NDUFA6: variants seen among roughly 807,000 people sequenced by gnomAD.
NDUFA6 encodes the protein NADH dehydrogenase [ubiquinone] 1 alpha subcomplex subunit 6.
Under a neutral mutation model 12.5 loss-of-function variants are expected in NDUFA6, and 10 were observed. The observed-to-expected ratio is 0.80, with a 90% CI of 0.49 to 1.35. The LOEUF is 1.35. NDUFA6 is among the 40% of genes most tolerant of loss of function. The probability of loss-of-function intolerance (pLI) is 0.00; values close to 1 mark genes in which losing one functional copy is unlikely to be tolerated. For missense variants in NDUFA6, 177 were observed against 173.5 expected (o/e 1.02, Z -0.11); for synonymous variants, 66 against 63.0 (o/e 1.05, Z -0.23).
rs1928617161 is a variant in NDUFA6 at position 42,090,766 on chromosome 22, C to T, written c.-22G>A. The T allele has an allele frequency of 1.9e-6, 3 of 1,614,258 alleles. No individual in the cohort carries two copies. The highest frequency in any genetic ancestry group is 2.5e-6 in the Non-Finnish European group (3 of 1,180,050). ...CCATCTTGCCAAAGCATCCACTCCA[C>T]AACCCCACCCCTTTGCAAGCAGCGC... On this transcript the variant is annotated 5_prime_UTR_variant, in exon 1 of 3. It adds an upstream start codon to the 5' untranslated region. Coordinates refer to ENST00000498737, the MANE Select transcript of NDUFA6 (RefSeq NM_002490.6).
rs13056622 is a variant in NDUFA6 at position 42,090,400 on chromosome 22, C to G, written c.139+206G>C. Among the ~76,000 whole-genome samples the G allele has an allele frequency of 6.3e-3, 954 of 152,380 alleles. 4 individuals are homozygous for G. Among genetic ancestry groups the G allele is most frequent in the Non-Finnish European group, 0.011 (731 of 68,036 alleles). Reference sequence around the variant, plus strand: ...GAGACCAAAGCTCCGATAGCACGTACGAATGCTAGGCACGGCCGGTCTGAC... The same window carrying G: ...GAGACCAAAGCTCCGATAGCACGTAGGAATGCTAGGCACGGCCGGTCTGAC... On this transcript the variant is annotated intron_variant, in intron 1 of 2. Transcript: ENST00000498737.
rs781099275 is a variant in NDUFA6, at chr22:42,086,214, AG to A, written c.355del (p.Leu119TyrfsTer20). ...ATCGTGGCCAACATAGAACTTGGAT[AG>A]GAAATCCTTTGGCCTTGGCGCTTCT... ...ETEAPRPKDF[L>X]SKFYVGHDP On this transcript the variant is annotated frameshift_variant, in exon 3 of 3. Transcript: ENST00000498737. LOFTEE classifies it high-confidence loss of function. The A allele has an allele frequency of 1.9e-5, 31 of 1,614,266 alleles. No homozygotes were observed. The highest frequency in any genetic ancestry group is 2.5e-5 in the Non-Finnish European group (30 of 1,180,040).
chr22:42,086,242 T>A lies in NDUFA6; in HGVS notation c.328A>T (p.Thr110Ser), dbSNP rs761671221. 31 of 1,614,120 alleles carry A rather than the reference T, an allele frequency of 1.9e-5. No homozygotes were observed. The highest frequency in any genetic ancestry group is 2.5e-5 in the Non-Finnish European group (29 of 1,180,048). Residue 110 changes from threonine (T) to serine (S), a missense_variant, in exon 3 of 3, where the codon ACA (threonine) becomes TCA (serine). Physicochemically the swap from Thr to Ser is moderately conservative, Grantham distance 58 (BLOSUM62 1). Coordinates refer to ENST00000498737, the MANE Select transcript of NDUFA6 (RefSeq NM_002490.6). ...AAATCCTTTGGCCTTGGCGCTTCTG[T>A]TTCATGGAAGAACCGCATAACATGT... ...RTHVMRFFHE[T>S]EAPRPKDFLS...
intron 1 of NDUFA6, chr22:42,087,465 C>A (rs995839312): frequency 4.6e-6 from 2 of 434,038 alleles, no homozygotes; most frequent in African/African-American, 4.0e-5. Context: ...GCTATATGAT[C>A]CCGTGTAAGT....
intron 1 of NDUFA6, among the ~76,000 whole-genome samples, chr22:42,088,081 TG>T (rs1475127046): frequency 5.1e-5 from 6 of 116,574 alleles, no homozygotes; most frequent in African/African-American, 2.1e-4. Flanking sequence ...CATTCCAGCC[TG>T]GGTGACAGAG....
intron 2 of NDUFA6, among the ~76,000 whole-genome samples, 192 bp from the exon 3 acceptor site, chr22:42,086,506 A>G (rs556438172): frequency 1.3e-5 from 2 of 152,344 alleles, no homozygotes; most frequent in East Asian, 3.9e-4. Context: ...GACACTTTTC[A>G]GATTCTTTAA....
chr22:42,090,529 C>T (rs1928574745), intron 1 of NDUFA6, 77 bp downstream of exon 1: 1 of 1,555,326 alleles, frequency 6.4e-7, no homozygotes. Flanking sequence ...CAGCTGGGCC[C>T]ATGAGAAACC....
At chr22:42,086,508 A>G (rs980804707) in intron 2 of NDUFA6, among the ~76,000 whole-genome samples, 194 bp from the exon 3 acceptor site, 1 of 152,216 alleles carries the variant, frequency 6.6e-6, no homozygotes, top group African/African-American at 2.4e-5. Context: ...CACTTTTCAG[A>G]TTCTTTAACT....
rs759198867 is a variant in NDUFA6 at position 42,087,131 on chromosome 22, T to C, written c.184A>G (p.Lys62Glu). Residue 62 changes from lysine to glutamate, a missense_variant, in exon 2 of 3, where the codon AAA becomes GAA. Lys to Glu is a moderately conservative substitution (Grantham distance 56, BLOSUM62 1). This residue lies in a region of NDUFA6 where 111 missense variants were observed against 87.2 expected (regional missense o/e 1.27). Transcript: ENST00000498737. ...LDITVKMGRDKVREMFMKNAH... is the reference protein window; with the variant it reads ...LDITVKMGRDEVREMFMKNAH... ...TTCTTCATAAACATTTCTCGGACTT[T>C]ATCCCGTCCCATTTTCACAGTGATG... The C allele has an allele frequency of 2.5e-6, 4 of 1,614,214 alleles. No homozygotes were observed. Among genetic ancestry groups the C allele is most frequent in the Non-Finnish European group, 3.4e-6 (4 of 1,180,026 alleles).
Position 42,086,166 on chromosome 22 carries a change from C to T in NDUFA6, c.*17G>A, listed in dbSNP as rs765536300. The stretch of plus-strand genomic sequence containing the variant: ...GCTCTAAAATAGTATCAACGTGCAT[C>T]TTTCCACTGAATGACTTCATGGATC... On this transcript the variant is annotated 3_prime_UTR_variant, in exon 3 of 3. Transcript: ENST00000498737. 1 of 1,614,248 alleles carries T rather than the reference C, an allele frequency of 6.2e-7. No individual in the cohort carries two copies. The highest frequency in any genetic ancestry group is 8.5e-7 in the Non-Finnish European group (1 of 1,180,040).
Position 42,086,137 on chromosome 22 carries a change from T to C in NDUFA6, c.*46A>G, listed in dbSNP as rs764295396. The C allele has an allele frequency of 2.1e-5, 34 of 1,613,790 alleles. No homozygotes were observed. The highest frequency in any genetic ancestry group is 2.6e-5 in the Non-Finnish European group (31 of 1,179,812). On this transcript the variant is annotated 3_prime_UTR_variant, in exon 3 of 3. Transcript: ENST00000498737. ...AGTGACCATTGTATAGTGAGTTTAT[T>C]TGTGCTCTAAAATAGTATCAACGTG...
At chr22:42,087,836 G>A (rs539529276) in intron 1 of NDUFA6, among the ~76,000 whole-genome samples, 41 of 151,640 alleles carry the variant, frequency 2.7e-4, no homozygotes, top group African/African-American at 7.3e-4. Context: ...AGCTGGGCGC[G>A]GTGGCTCACG....
At chr22:42,088,906 G>A (rs1016466741) in intron 1 of NDUFA6, among the ~76,000 whole-genome samples, 1 of 151,986 alleles carries the variant, frequency 6.6e-6, no homozygotes, top group Non-Finnish European at 1.5e-5. Context: ...AAACCCGTGT[G>A]GCACAGGTTT....
At position 42,090,722 on chromosome 22, in the gene NDUFA6, T is replaced by A; in HGVS notation, c.23A>T (p.Gln8Leu). Reference sequence around the variant, plus strand: ...GAAGGTGCTGGCGGTAGAAGTAGCTTGGCGGACGCCGCTCCCCGCCATCTT... The same window carrying A: ...GAAGGTGCTGGCGGTAGAAGTAGCTAGGCGGACGCCGCTCCCCGCCATCTT... MAGSGVRQATSTASTFVK... is the reference protein window; with the variant it reads MAGSGVRLATSTASTFVK... Residue 8 changes from glutamine (Q) to leucine (L), a missense_variant, in exon 1 of 3, where the codon CAA becomes CTA. Transcript: ENST00000498737. The A allele has an allele frequency of 6.2e-7, 1 of 1,614,142 alleles. No homozygotes were observed. Among genetic ancestry groups the A allele is most frequent in the South Asian group, 1.1e-5 (1 of 91,084 alleles).
rs528141125 is a variant in NDUFA6 at position 42,088,833 on chromosome 22, C to A, written c.140-1658G>T. Among the ~76,000 whole-genome samples the A allele has an allele frequency of 2.6e-4, 39 of 151,782 alleles. No homozygotes were observed. In the South Asian group the frequency reaches 2.7e-3, roughly 11 times the overall value. On this transcript the variant is annotated intron_variant, in intron 1 of 2. Transcript: ENST00000498737. The stretch of plus-strand genomic sequence containing the variant: ...CTCAGGCTGTTCTAAGTTCTCAACA[C>A]TATTACTTATTCCCCTTCCTTGATT...
intron 1 of NDUFA6, chr22:42,089,673 TC>T (rs1265488516): frequency 6.6e-6 from 1 of 152,156 alleles, no homozygotes; most frequent in East Asian, 1.9e-4. Flanking sequence ...CAAGTCCTGT[TC>T]TAAGCACTCT....
intron 1 of NDUFA6, 180 bp from the exon 2 acceptor site, chr22:42,087,355 CTTA>C (rs1292331813): frequency 1.1e-5 from 7 of 618,340 alleles, no homozygotes; most frequent in African/African-American, 5.5e-5. Context: ...TCTCAAGGAA[CTTA>C]TTATTTGTTT....
intron 1 of NDUFA6, among the ~76,000 whole-genome samples, chr22:42,087,519 T>C (rs1928330933): frequency 2.6e-5 from 4 of 152,226 alleles, no homozygotes; most frequent in Non-Finnish European, 4.4e-5. Flanking sequence ...AATTATTTTA[T>C]GGGCTGGGCG....
chr22:42,087,175 A>G lies in NDUFA6; in HGVS notation c.140T>C (p.Val47Ala). ...AGTGATGTCCAGCTGGAATTGGTGC[A>G]CTAGAGAGAAAAACATGACTCAGGG... Reference protein sequence around the residue: ...RAWYREVPNTVHQFQLDITVK... With the variant: ...RAWYREVPNTAHQFQLDITVK... The change falls in exon 2 of 3, where the codon GTG becomes GCG. Residue 47 changes from valine to alanine, a missense_variant and splice_region_variant. Val to Ala is a moderately conservative substitution (Grantham distance 64). Coordinates refer to ENST00000498737, the MANE Select transcript of NDUFA6 (RefSeq NM_002490.6). 1.9e-6 allele frequency: 3 copies of G among 1,603,818 alleles called. No homozygotes were observed. The highest frequency in any genetic ancestry group is 1.1e-5 in the South Asian group (1 of 90,858).
Sources: gnomAD v4.1 joint callset for allele counts (sites outside exome capture counted in the v4.1 genomes callset) on GRCh38, gnomAD v4.1.1 for gene constraint, gnomAD v4.1.1 regional missense constraint, MANE v1.5 for transcripts, NCBI Gene and HGNC (gene_info 2026-07-23, HGNC 2026-07-21) for gene names.